The following ABCB1 variants were observed in gnomAD, a reference collection of about 807,000 sequenced individuals.
ABCB1 encodes ATP binding cassette subfamily B member 1.
Under a neutral mutation model 142.0 loss-of-function variants are expected in ABCB1, and 69 were observed. The observed-to-expected ratio is 0.49, with a 90% CI of 0.40 to 0.59. ABCB1 has a LOEUF of 0.59. Among genes scored for constraint, ABCB1 ranks in the 20% least tolerant of loss-of-function variants. The pLI, the probability that ABCB1 is intolerant of heterozygous loss-of-function variation, is 0.00. For missense variants in ABCB1, 1,326 were observed against 1,554.7 expected (o/e 0.85, Z 2.47); for synonymous variants, 532 against 539.2 (o/e 0.99, Z 0.18).
rs866956481 is a variant in ABCB1, at chr7:87,629,011, G to T, written c.-330-27933C>A. 143 of 1,261,452 alleles carry T rather than the reference G, an allele frequency of 1.1e-4. No homozygotes were observed. The African/African-American group carries it at 1.8e-3, about 16-fold the overall frequency. The allele number at this position is 1,261,452 out of a possible 1,614,324, so 78.1% of individuals were successfully genotyped here. Reference sequence around the variant, plus strand: ...GGCTGAGAGCTCTGGGCTTCCGCGCGGGTCCTTGGGGGTCCCGGGCATGAT... The same window carrying T: ...GGCTGAGAGCTCTGGGCTTCCGCGCTGGTCCTTGGGGGTCCCGGGCATGAT... On this transcript the variant is annotated intron_variant, in intron 1 of 28. Coordinates refer to the ABCB1 transcript ENST00000265724.
At chr7:87,532,980 C>G (rs1042677628) in intron 20 of ABCB1, among the ~76,000 whole-genome samples, 20 of 152,102 alleles carry the variant, frequency 1.3e-4, no homozygotes, top group African/African-American at 4.8e-4. Context: ...CTATAACTAT[C>G]AGTAGCCTTT....
At chr7:87,610,516 T>C (rs1333444251) in intron 1 of ABCB1, among the ~76,000 whole-genome samples, 1 of 150,838 alleles carries the variant, frequency 6.6e-6, no homozygotes, top group Non-Finnish European at 1.5e-5. Flanking sequence ...CCCAAAATGC[T>C]GAGATTACAG....
At chr7:87,664,208 C>A (rs1825002426) in intron 1 of ABCB1, among the ~76,000 whole-genome samples, 1 of 152,044 alleles carries the variant, frequency 6.6e-6, no homozygotes, top group South Asian at 2.1e-4. Context: ...CTTCTGTAGT[C>A]CAAGCTACCC....
intron 14 of ABCB1, among the ~76,000 whole-genome samples, chr7:87,547,289 C>A (rs866336667): frequency 1.3e-5 from 2 of 152,086 alleles, no homozygotes; most frequent in South Asian, 4.1e-4. Flanking sequence ...GAAAATAGAT[C>A]AATTTTTGTA....
chr7:87,693,812 T>C (rs1828231444), intron 1 of ABCB1: 2 of 1,126,432 alleles, frequency 1.8e-6, no homozygotes, highest in Non-Finnish European at 2.6e-6. Flanking sequence ...AAATTATATG[T>C]AGCCATCTTA....
rs564832506 is a variant in ABCB1 at position 87,527,080 on chromosome 7, C to T, written c.2685+4214G>A. Reference sequence around the variant, plus strand: ...TCTCAATGATTTTTTTTAATAGCATCTAGGAACATTTCTGCTGCCTCTTGA... The same window carrying T: ...TCTCAATGATTTTTTTTAATAGCATTTAGGAACATTTCTGCTGCCTCTTGA... On this transcript the variant is annotated intron_variant, in intron 21 of 27. Transcript: ENST00000622132. Among the ~76,000 whole-genome samples the T allele has an allele frequency of 3.3e-5, 5 of 152,142 alleles. No homozygotes were observed. The South Asian group carries it at 1.0e-3, about 32-fold the overall frequency.
chr7:87,529,955 G>T (rs1039196339), intron 21 of ABCB1, among the ~76,000 whole-genome samples: 10 of 152,312 alleles, frequency 6.6e-5, no homozygotes, highest in Middle Eastern at 3.4e-3. Flanking sequence ...AGGATGCCTC[G>T]CATGAGGTTT....
intron 1 of ABCB1, among the ~76,000 whole-genome samples, chr7:87,609,426 C>A (rs1452992153): frequency 6.6e-6 from 1 of 152,286 alleles, no homozygotes; most frequent in East Asian, 1.9e-4. Flanking sequence ...ACTTCCTTCA[C>A]TACTCTGAGT....
Position 87,544,240 on chromosome 7 carries a change from A to G in ABCB1, c.2100T>C (p.Ile700=), listed in dbSNP as rs1816671098. ...GCCATTCAGTTAAATTTAGCTTCAT[A>G]ATCCTCCAAAAGGAAACTGGAGGTA... The part of the protein sequence containing the change: ...ESIPPVSFWR[I]MKLNLTEWPY... Residue 700 remains isoleucine (I), a synonymous_variant, in exon 17 of 28, where the codon ATT becomes ATC. Transcript: ENST00000622132. 1 of 1,613,500 alleles carries G rather than the reference A, an allele frequency of 6.2e-7. No individual in the cohort carries two copies. The highest frequency in any genetic ancestry group is 1.1e-5 in the South Asian group (1 of 91,052).
At chr7:87,703,885 C>CTTTTTTTTTTTTTTTTTTGTTTTTTT (rs1829310290) in intron 1 of ABCB1, among the ~76,000 whole-genome samples, 1 of 60,282 alleles carries the variant, frequency 1.7e-5, no homozygotes, top group African/African-American at 6.3e-5. Flanking sequence ...TCAGTTTTTT[C>CTTTTTTTTTTTTTTTTTTGTTTTTTT]TTTTTTTTTT....
chr7:87,712,775 A>C (rs901603055), intron 1 of ABCB1, among the ~76,000 whole-genome samples: 1 of 151,868 alleles, frequency 6.6e-6, no homozygotes, highest in Non-Finnish European at 1.5e-5. Flanking sequence ...ATAAACATAC[A>C]GTCTTCAAAC....
At chr7:87,699,315 AC>A (rs1828796406) in intron 1 of ABCB1, among the ~76,000 whole-genome samples, 3 of 152,232 alleles carry the variant, frequency 2.0e-5, no homozygotes, top group Admixed American at 2.0e-4. Flanking sequence ...ATACTAGACA[AC>A]TAAAGAAAGT....
rs370612945 is a variant in ABCB1 at position 87,549,416 on chromosome 7, G to A, written c.1657C>T (p.Leu553=). The A allele has an allele frequency of 1.2e-6, 2 of 1,614,168 alleles. No homozygotes were observed. Among genetic ancestry groups the A allele is most frequent in the Non-Finnish European group, 1.7e-6 (2 of 1,180,030 alleles). The part of the protein sequence containing the change: ...RALVRNPKIL[L]LDEATSALDT... ...AAGGCTGACGTGGCCTCATCCAGCAGGAGGATCTTGGGGTTGCGAACCAGG... is the reference window on the plus strand; with the variant it reads ...AAGGCTGACGTGGCCTCATCCAGCAAGAGGATCTTGGGGTTGCGAACCAGG... Residue 553 remains leucine, a synonymous_variant, in exon 14 of 28, where the codon CTG becomes TTG. Coordinates refer to ENST00000622132, the MANE Select transcript of ABCB1 (RefSeq NM_001348946.2).
intron 4 of ABCB1, among the ~76,000 whole-genome samples, chr7:87,574,436 T>C (rs538534328): frequency 6.6e-6 from 1 of 152,288 alleles, no homozygotes; most frequent in Non-Finnish European, 1.5e-5. Context: ...GAAATTATGT[T>C]ATACAAAATA....
At chr7:87,553,145 T>G (rs1412349235) in intron 9 of ABCB1, among the ~76,000 whole-genome samples, 1 of 152,130 alleles carries the variant, frequency 6.6e-6, no homozygotes, top group African/African-American at 2.4e-5. Flanking sequence ...AAAAGTGAAG[T>G]GTTTAGCAAC....
chr7:87,553,479 C>G (rs2129730616), intron 9 of ABCB1, among the ~76,000 whole-genome samples: 1 of 152,042 alleles, frequency 6.6e-6, no homozygotes, highest in Non-Finnish European at 1.5e-5. Context: ...CGCCACCACG[C>G]CCGGCTAATT....
intron 24 of ABCB1, among the ~76,000 whole-genome samples, chr7:87,516,223 A>G (rs1429568084): frequency 1.3e-4 from 20 of 152,234 alleles, no homozygotes; most frequent in African/African-American, 4.8e-4. Flanking sequence ...TCCAGCCTGG[A>G]TGACAGAGTA....
In ABCB1 at chr7:87,579,212, T is replaced by C. The variant is rs1229443006; in HGVS notation, c.286+6300A>G. 2.0e-5 allele frequency among the ~76,000 whole-genome samples: 3 copies of C among 152,224 alleles called. 1 individual carries two copies. The highest frequency in any genetic ancestry group is 4.4e-5 in the Non-Finnish European group (3 of 68,042). On this transcript the variant is annotated intron_variant, in intron 4 of 27. Coordinates refer to ENST00000622132, the MANE Select transcript of ABCB1 (RefSeq NM_001348946.2). ...TTCCTTTCCAATTCAGATGCCTTTT[T>C]TTTTCTTTCTCTTGTCTGATTGCCC...
chr7:87,567,488 A>C (rs919681790), intron 5 of ABCB1, among the ~76,000 whole-genome samples: 11 of 152,202 alleles, frequency 7.2e-5, no homozygotes, highest in Non-Finnish European at 1.3e-4. Context: ...AAAAGAAGTG[A>C]CAGAACTTGT....
Sources: gnomAD v4.1 joint callset for allele counts (sites outside exome capture counted in the v4.1 genomes callset) on GRCh38, gnomAD v4.1.1 for gene constraint, MANE v1.5 for transcripts, NCBI Gene and HGNC (gene_info 2026-07-23, HGNC 2026-07-21) for gene names.